STRN3: variants seen among roughly 807,000 people sequenced by gnomAD.
The protein encoded by STRN3 is striatin-3.
Under a neutral mutation model 95.6 loss-of-function variants are expected in STRN3, and 29 were observed. The observed-to-expected ratio is 0.30, with a 90% confidence interval of 0.23 to 0.41. STRN3 has a LOEUF of 0.41. Ranked by LOEUF, STRN3 falls within the 10% of genes least tolerant of loss-of-function variation. The pLI is 1.00. For missense variants in STRN3, 890 were observed against 972.1 expected (o/e 0.92, Z 1.12); for synonymous variants, 331 against 357.6 (o/e 0.93, Z 0.84).
chr14:30,904,077 A>AT (rs1174120723), intron 15 of STRN3, among the ~76,000 whole-genome samples: 6 of 152,220 alleles, frequency 3.9e-5, no homozygotes, highest in Non-Finnish European at 8.8e-5. Flanking sequence ...AGGAGCCATG[A>AT]AGACCATGAG....
intron 4 of STRN3, among the ~76,000 whole-genome samples, 179 bp from the exon 5 acceptor site, chr14:30,947,442 A>C (rs1329088524): frequency 2.6e-5 from 4 of 152,182 alleles, no homozygotes; most frequent in Non-Finnish European, 5.9e-5. Flanking sequence ...ACAAACCAAA[A>C]TTTAAATTAA....
chr14:30,927,886 T>C (rs746913272), intron 8 of STRN3, among the ~76,000 whole-genome samples: 3 of 143,754 alleles, frequency 2.1e-5, no homozygotes, highest in Non-Finnish European at 4.5e-5. Flanking sequence ...TGAGCCGAGA[T>C]TGCACCGCTG....
intron 7 of STRN3, among the ~76,000 whole-genome samples, chr14:30,929,967 A>AAAAAAAAAAAAACAAAAAAC (rs1555317337): frequency 2.2e-5 from 2 of 91,120 alleles, no homozygotes; most frequent in Admixed American, 1.4e-4. Flanking sequence ...AAAAAAAAAA[A>AAAAAAAAAAAAACAAAAAAC]AAAAAAAAAA....
At chr14:30,946,997 A>G (rs905652997) in intron 5 of STRN3, 93 bp downstream of exon 5, 3 of 859,070 alleles carry the variant, frequency 3.5e-6, no homozygotes, top group African/African-American at 3.6e-5. Flanking sequence ...AAAAAAAAAA[A>G]GTTCTTAATG....
intron 16 of STRN3, among the ~76,000 whole-genome samples, chr14:30,900,451 G>A (rs1018472653): frequency 6.7e-6 from 1 of 148,946 alleles, no homozygotes. Context: ...GGCGGGGGGG[G>A]GCGGTGTGTG....
intron 1 of STRN3, among the ~76,000 whole-genome samples, chr14:30,976,019 C>T (rs1350459812): frequency 6.6e-6 from 1 of 151,958 alleles, no homozygotes; most frequent in Non-Finnish European, 1.5e-5. Context: ...AAACAAAGAA[C>T]AAGTGCAAAA....
chr14:30,958,877 C>G (rs896430388), intron 1 of STRN3, among the ~76,000 whole-genome samples: 2 of 152,106 alleles, frequency 1.3e-5, no homozygotes, highest in African/African-American at 4.8e-5. Context: ...TACCAACTAT[C>G]CACACTTAGA....
chr14:30,989,766 G>C (rs1042355461), intron 1 of STRN3, among the ~76,000 whole-genome samples: 2 of 150,602 alleles, frequency 1.3e-5, no homozygotes, highest in East Asian at 1.9e-4. Flanking sequence ...ACAAAACACA[G>C]GATTTATAGC....
chr14:30,929,956 A>AAAAAAAAAAAC (rs1878410168), intron 7 of STRN3, among the ~76,000 whole-genome samples: 1 of 119,094 alleles, frequency 8.4e-6, no homozygotes, highest in African/African-American at 2.9e-5. Flanking sequence ...AAGATTAGCA[A>AAAAAAAAAAAC]AAAAAAAAAA....
chr14:30,925,665 C>T (rs1897009614), intron 8 of STRN3, among the ~76,000 whole-genome samples: 1 of 151,968 alleles, frequency 6.6e-6, no homozygotes, highest in South Asian at 2.1e-4. Context: ...TTCTATATTT[C>T]AAGATAGCTA....
intron 1 of STRN3, among the ~76,000 whole-genome samples, chr14:30,977,214 G>A (rs557602094): frequency 2.6e-5 from 4 of 151,912 alleles, no homozygotes; most frequent in African/African-American, 9.7e-5. Context: ...CAACAAGAGC[G>A]AAACTCTGTT....
chr14:31,013,863 T>TTTTTTATTATTATTA (rs1462314709), intron 1 of STRN3, among the ~76,000 whole-genome samples: 16 of 81,042 alleles, frequency 2.0e-4, no homozygotes, highest in Non-Finnish European at 3.2e-4. Context: ...TCAAAGCAAT[T>TTTTTTATTATTATTA]TTATTATTAT....
At chr14:30,937,252 T>C (rs1434282514) in intron 5 of STRN3, among the ~76,000 whole-genome samples, 1 of 152,158 alleles carries the variant, frequency 6.6e-6, no homozygotes, top group Non-Finnish European at 1.5e-5. Flanking sequence ...AGGTTGAGGC[T>C]GCAGTGAGCT....
At chr14:31,003,726 C>G (rs1882578846) in intron 1 of STRN3, among the ~76,000 whole-genome samples, 1 of 148,872 alleles carries the variant, frequency 6.7e-6, no homozygotes, top group Admixed American at 6.8e-5. Flanking sequence ...CTTTGTAAGT[C>G]ACCCAGCCTG....
At chr14:31,013,544 T>G (rs1229395271) in intron 1 of STRN3, among the ~76,000 whole-genome samples, 1 of 152,002 alleles carries the variant, frequency 6.6e-6, no homozygotes, top group Non-Finnish European at 1.5e-5. Flanking sequence ...TGGGGGGTGG[T>G]AGACAGGATC....
At chr14:30,946,677 TTTAAAAATTG>T (rs1011535820) in intron 5 of STRN3, among the ~76,000 whole-genome samples, 18 of 152,224 alleles carry the variant, frequency 1.2e-4, no homozygotes, top group African/African-American at 4.1e-4. Flanking sequence ...CTCGATCTGC[TTTAAAAATTG>T]TTAATAGCAG....
chr14:30,983,323 G>T (rs143658453), intron 1 of STRN3, among the ~76,000 whole-genome samples: 220 of 152,202 alleles, frequency 1.4e-3, no homozygotes, highest in Non-Finnish European at 2.7e-3. Context: ...TGGGAGGATC[G>T]CCTGAGGTCA....
chr14:30,898,342 C>T (rs538558305), intron 16 of STRN3, among the ~76,000 whole-genome samples: 1 of 152,294 alleles, frequency 6.6e-6, no homozygotes, highest in Admixed American at 6.5e-5. Flanking sequence ...CCTCTATCTC[C>T]TAAGTTTAAC....
intron 1 of STRN3, among the ~76,000 whole-genome samples, chr14:30,971,579 T>C (rs1020715071): frequency 2.0e-5 from 3 of 152,044 alleles, no homozygotes; most frequent in Admixed American, 1.3e-4. Context: ...CTTAGGAAAA[T>C]AGGATAGCCT....
Sources: gnomAD v4.1 joint callset for allele counts (sites outside exome capture counted in the v4.1 genomes callset) on GRCh38, gnomAD v4.1.1 for gene constraint, MANE v1.5 for transcripts, NCBI Gene and HGNC (gene_info 2026-07-23, HGNC 2026-07-21) for gene names.